Variants in TBC1D8B observed in about 807,000 individuals in gnomAD.
TBC1D8B encodes RP11-321G1.1.
In TBC1D8B, 75 loss-of-function variants were observed where a neutral mutation model predicts 82.9. That is an observed-to-expected ratio of 0.90 (90% CI 0.75 to 1.10). The LOEUF (loss-of-function observed/expected upper bound fraction) is 1.10. TBC1D8B is among the 50% of genes least tolerant of loss of function. The pLI is 0.00. For synonymous variants in TBC1D8B, 276 were observed against 276.8 expected, an observed-to-expected ratio of 1.00 and a Z score of 0.03; for missense variants, 794 against 796.9, an observed-to-expected ratio of 1.00 and a Z score of 0.04.
At chrX:106,828,115 A>G (rs1046589294) in intron 7 of TBC1D8B, 1 of 111,525 alleles carries the variant, frequency 9.0e-6, no homozygotes, top group Non-Finnish European at 1.9e-5. Flanking sequence ...GGATATCACG[A>G]CCAATCCCAC....
Position 106,839,354 on chromosome X carries a change from T to C in TBC1D8B, c.1250T>C (p.Val417Ala). The stretch of plus-strand genomic sequence containing the variant: ...ACAGAGCCATCTGATAATTTTGAGG[T>C]GCAATCTTTGACAAGTCAGAGGGAA... Reference protein sequence around the residue: ...ESTEPSDNFEVQSLTSQRECS... With the variant: ...ESTEPSDNFEAQSLTSQRECS... Residue 417 changes from valine to alanine, a missense_variant, in exon 8 of 21, where the codon GTG (valine) becomes GCG (alanine). Transcript: ENST00000357242. 1 of 1,187,440 alleles carries C rather than the reference T, an allele frequency of 8.4e-7. No individual in the cohort carries two copies. Among genetic ancestry groups the C allele is most frequent in the African/African-American group, 1.7e-5 (1 of 57,277 alleles).
chrX:106,807,213 T>TAC (rs965095687), intron 1 of TBC1D8B, among the ~76,000 whole-genome samples: 18 of 93,390 alleles, frequency 1.9e-4, no homozygotes, highest in African/African-American at 6.3e-4. Context: ...CCCCCCCCCA[T>TAC]ACACACACAC....
rs762635362 is a variant in TBC1D8B, at chrX:106,856,752, T to C, written c.2352+2456T>C. On this transcript the variant is annotated intron_variant, in intron 14 of 20. Transcript: ENST00000357242. ...GGCTTTTATTCATTTTAACAGTCTG[T>C]CTTTTTAAATGTTCTTTAGTAAGCA... is the stretch of plus-strand genomic sequence containing the variant. Among the ~76,000 whole-genome samples, 104 of 112,061 alleles carry C rather than the reference T, an allele frequency of 9.3e-4. 2 individuals carry two copies. The highest frequency in any genetic ancestry group is 3.2e-3 in the African/African-American group (100 of 30,932).
chrX:106,854,877 G>C (rs1932667694), intron 14 of TBC1D8B, among the ~76,000 whole-genome samples: 1 of 111,378 alleles, frequency 9.0e-6, no homozygotes, highest in Admixed American at 9.6e-5. Flanking sequence ...GTGATGTGCT[G>C]CATCAGTAAG....
intron 5 of TBC1D8B, 108 bp from the exon 6 acceptor site, chrX:106,825,922 A>G: frequency 1.8e-6 from 1 of 569,120 alleles, no homozygotes; most frequent in Non-Finnish European, 2.6e-6. Context: ...TTTAGTGTTT[A>G]ATCTGTGTGC....
At chrX:106,807,749 A>C (rs1359503486) in intron 1 of TBC1D8B, among the ~76,000 whole-genome samples, 1 of 111,249 alleles carries the variant, frequency 9.0e-6, no homozygotes, top group Non-Finnish European at 1.9e-5. Flanking sequence ...GGATTTTAAA[A>C]AAATAAAAAA....
chrX:106,806,227 A>C, intron 1 of TBC1D8B, among the ~76,000 whole-genome samples: 1 of 112,184 alleles, frequency 8.9e-6, no homozygotes, highest in Non-Finnish European at 1.9e-5. Flanking sequence ...ATTACTGACC[A>C]TTTGCCTAAC....
chrX:106,823,089 A>C, intron 4 of TBC1D8B, 137 bp from the exon 5 acceptor site: 3 of 627,637 alleles, frequency 4.8e-6, no homozygotes, highest in Non-Finnish European at 7.0e-6. Context: ...CAAATTTTTA[A>C]CTAATCTTGA....
chrX:106,827,044 A>C, intron 6 of TBC1D8B, 126 bp from the exon 7 acceptor site: 1 of 697,490 alleles, frequency 1.4e-6, no homozygotes, highest in Non-Finnish European at 2.2e-6. Flanking sequence ...CCCAAAGTCT[A>C]TTTCTTAATA....
In TBC1D8B at chrX:106,802,948, G is replaced by A; in HGVS notation, c.95G>A (p.Arg32Gln). The change falls in exon 1 of 21, where the codon CGG becomes CAG. Residue 32 changes from arginine (R) to glutamine (Q), a missense_variant. Transcript: ENST00000357242. ...GACTACTTCGTGCTGCAGCGGCGTC[G>A]GGGCTACGGGGAGGAAGGCGGAGGG... is the stretch of plus-strand genomic sequence containing the variant. Reference protein sequence around the residue: ...SNDYFVLQRRRGYGEEGGGGL... With the variant: ...SNDYFVLQRRQGYGEEGGGGL... The A allele has an allele frequency of 8.3e-7, 1 of 1,210,152 alleles. No homozygotes were observed. Among genetic ancestry groups the A allele is most frequent in the Non-Finnish European group, 1.1e-6 (1 of 894,804 alleles).
At chrX:106,870,125 G>A (rs1310201879) in intron 19 of TBC1D8B, among the ~76,000 whole-genome samples, 1 of 111,819 alleles carries the variant, frequency 8.9e-6, no homozygotes, top group African/African-American at 3.3e-5. Flanking sequence ...CTGCCTCCTG[G>A]ATTCAAGCCA....
chrX:106,826,386 A>G lies in TBC1D8B; in HGVS notation c.1035+149A>G, dbSNP rs182254704. 144 of 496,766 alleles carry G rather than the reference A, an allele frequency of 2.9e-4. 2 individuals carry two copies. In the African/African-American group the frequency reaches 3.2e-3, roughly 11 times the overall value. The allele number at this position is 496,766 out of a possible 1,213,427, so 40.9% of individuals were successfully genotyped here. ...AATAATTATTCTTCAGAATAAGAGTACAGCCTTCTGAGATATTCTCAGTTC... is the reference window on the plus strand; with the variant it reads ...AATAATTATTCTTCAGAATAAGAGTGCAGCCTTCTGAGATATTCTCAGTTC... On this transcript the variant is annotated intron_variant, in intron 6 of 20. Transcript: ENST00000357242.
In TBC1D8B at chrX:106,820,073, C is replaced by T. The variant is rs186443305; in HGVS notation, c.242-804C>T. On this transcript the variant is annotated intron_variant, in intron 2 of 20. Transcript: ENST00000357242. ...CAATGTCAACAAATTTTTTAATATG[C>T]CAGTCTCCATATATTATAAAATATA... is the stretch of plus-strand genomic sequence containing the variant. Among the ~76,000 whole-genome samples, 44 of 110,643 alleles carry T rather than the reference C, an allele frequency of 4.0e-4. 1 individual carries two copies. In the East Asian group the frequency reaches 0.01, roughly 26 times the overall value.
At position 106,854,306 on chromosome X, in the gene TBC1D8B, C is replaced by T. The variant is rs368184131; in HGVS notation, c.2352+10C>T. 4.5e-6 allele frequency: 5 copies of T among 1,106,740 alleles called. No individual in the cohort carries two copies. The highest frequency in any genetic ancestry group is 6.0e-6 in the Non-Finnish European group (5 of 830,644). The allele number at this position is 1,106,740 out of a possible 1,213,427, so 91.2% of individuals were successfully genotyped here. ...AACAAAACAGAATGTGGTAAGTATG[C>T]AACCAATGAGGAAAAACCAGTTGGA... On this transcript the variant is annotated intron_variant, in intron 14 of 20. Coordinates refer to ENST00000357242, the MANE Select transcript of TBC1D8B (RefSeq NM_017752.3).
intron 1 of TBC1D8B, among the ~76,000 whole-genome samples, chrX:106,813,533 C>A (rs1178825411): frequency 8.9e-6 from 1 of 111,864 alleles, no homozygotes; most frequent in African/African-American, 3.3e-5. Context: ...TTTGACTACT[C>A]CTCTCACATC....
chrX:106,810,963 T>C (rs1397162693), intron 1 of TBC1D8B, among the ~76,000 whole-genome samples: 1 of 111,341 alleles, frequency 9.0e-6, no homozygotes, highest in Non-Finnish European at 1.9e-5. Context: ...AAAACTAATA[T>C]TTCCTGTCAA....
At chrX:106,838,931 C>T (rs987457705) in intron 7 of TBC1D8B, among the ~76,000 whole-genome samples, 3 of 111,688 alleles carry the variant, frequency 2.7e-5, no homozygotes, top group Non-Finnish European at 5.7e-5. Flanking sequence ...TGAGCTTGGG[C>T]AGGTGGATAG....
At chrX:106,809,085 C>A (rs185513344) in intron 1 of TBC1D8B, among the ~76,000 whole-genome samples, 1 of 112,106 alleles carries the variant, frequency 8.9e-6, no homozygotes, top group Admixed American at 9.5e-5. Flanking sequence ...AACATTTGCC[C>A]AGTTTTCCAC....
rs1223251037 is a variant in TBC1D8B at position 106,839,420 on chromosome X, T to G, written c.1316T>G (p.Phe439Cys). 1 of 1,167,439 alleles carries G rather than the reference T, an allele frequency of 8.6e-7. No individual in the cohort carries two copies. Among genetic ancestry groups the G allele is most frequent in the Non-Finnish European group, 1.1e-6 (1 of 872,515 alleles). The change falls in exon 8 of 21, where the codon TTT becomes TGT. Residue 439 changes from phenylalanine (F) to cysteine (C), a missense_variant. Phe to Cys is a radical substitution (Grantham distance 205, BLOSUM62 -2). Transcript: ENST00000357242. ...TVNTEALMTV[F>C]HPQNLETLNS... Reference sequence around the variant, plus strand: ...AACACTGAAGCCTTAATGACAGTATTTCACCCTCAGAATTTGGAGACTCTT... The same window carrying G: ...AACACTGAAGCCTTAATGACAGTATGTCACCCTCAGAATTTGGAGACTCTT...
Sources: allele counts gnomAD v4.1 joint callset (sites outside exome capture counted in the v4.1 genomes callset), GRCh38; gene constraint gnomAD v4.1.1; transcripts MANE v1.5; gene names NCBI Gene and HGNC (gene_info 2026-07-23, HGNC 2026-07-21).